The following GLT1D1 variants were observed in gnomAD, a reference collection of about 807,000 sequenced individuals.
The protein encoded by GLT1D1 is glycosyltransferase 1 domain containing 1, also known as glycosyltransferase 1 domain-containing protein 1.
A neutral mutation model predicts 28.7 loss-of-function variants in GLT1D1; 21 were observed. The observed-to-expected ratio is 0.73, with a 90% CI of 0.52 to 1.05. GLT1D1 has a LOEUF of 1.05. Ranked by LOEUF, GLT1D1 falls within the 50% of genes least tolerant of loss-of-function variation. The probability of loss-of-function intolerance (pLI) is 0.00; values close to 1 mark genes in which losing one functional copy is unlikely to be tolerated. For synonymous variants in GLT1D1, 147 were observed against 124.8 expected, an observed-to-expected ratio of 1.18 and a Z score of -1.19; for missense variants, 343 against 330.6, an observed-to-expected ratio of 1.04 and a Z score of -0.29.
chr12:128,874,763 C>T (rs943442196), intron 1 of GLT1D1, among the ~76,000 whole-genome samples: 5 of 152,202 alleles, frequency 3.3e-5, no homozygotes, highest in Admixed American at 6.5e-5. Flanking sequence ...GGATTACAGG[C>T]GTGAGCCACC....
chr12:128,970,478 C>G (rs1476961564), intron 7 of GLT1D1, among the ~76,000 whole-genome samples: 1 of 152,228 alleles, frequency 6.6e-6, no homozygotes, highest in East Asian at 1.9e-4. Context: ...CACTCCCTCC[C>G]CGCAGCCACA....
chr12:128,901,582 G>A (rs1190507), intron 4 of GLT1D1, among the ~76,000 whole-genome samples: 59,979 of 151,330 alleles, frequency 0.4, 12,159 homozygotes, highest in East Asian at 0.52. Flanking sequence ...GACTACAGGC[G>A]CCCACCACAA....
chr12:128,883,652 C>T (rs1384491446), intron 2 of GLT1D1, among the ~76,000 whole-genome samples: 2 of 150,390 alleles, frequency 1.3e-5, no homozygotes, highest in African/African-American at 4.9e-5. Flanking sequence ...TTCTGTTTTT[C>T]TCAGCCGATT....
intron 2 of GLT1D1, among the ~76,000 whole-genome samples, chr12:128,879,462 T>TTTCTTTC (rs1555262493): frequency 3.1e-4 from 27 of 85,938 alleles, no homozygotes; most frequent in Middle Eastern, 5.1e-3. Context: ...TTCTTTCTTT[T>TTTCTTTC]TTTTGGGGGG....
rs940586835 is a variant in GLT1D1, at chr12:128,944,584, T to C, written c.376-742T>C. The C allele has an allele frequency of 5.9e-5, 44 of 747,526 alleles. 1 individual carries two copies. The highest frequency in any genetic ancestry group is 3.8e-4 in the Middle Eastern group (1 of 2,616). 46.3% of individuals were successfully genotyped at this position (747,526 alleles called of 1,614,324 possible). ...ATGAATCCAGTGAGCAGTAAGGCGT[T>C]GTTTAATGACCTCAAAGGACATATT... is the stretch of plus-strand genomic sequence containing the variant. On this transcript the variant is annotated intron_variant, in intron 4 of 7. Coordinates refer to ENST00000281703, the MANE Select transcript of GLT1D1 (RefSeq NM_144669.3).
intron 4 of GLT1D1, among the ~76,000 whole-genome samples, chr12:128,936,617 T>C (rs561836968): frequency 6.6e-6 from 1 of 152,324 alleles, no homozygotes; most frequent in African/African-American, 2.4e-5. Context: ...TTGCAGGCGA[T>C]CATATGTGGG....
rs578215552 is a variant in GLT1D1, at chr12:128,947,074, C to G, written c.420-264C>G. Among the ~76,000 whole-genome samples the G allele has an allele frequency of 1.6e-4, 25 of 152,318 alleles. 1 individual carries two copies. In the East Asian group the frequency reaches 4.8e-3, roughly 29 times the overall value. The stretch of plus-strand genomic sequence containing the variant: ...AAAATGGCATGAACCTTGTCTCTGA[C>G]TCTTCTAGTCCTTGAGAGCAGGTGT... On this transcript the variant is annotated intron_variant, in intron 5 of 7. Transcript: ENST00000281703.
chr12:128,863,690 T>C (rs111843783), intron 1 of GLT1D1, among the ~76,000 whole-genome samples: 5 of 152,054 alleles, frequency 3.3e-5, no homozygotes, highest in Non-Finnish European at 2.9e-5. Context: ...GGATAATTTC[T>C]TTATGGTCAG....
At position 128,984,679 on chromosome 12, in the gene GLT1D1, CG is replaced by C. The variant is rs1880625519; in HGVS notation, c.*1592del. The C allele has an allele frequency of 6.6e-6, 1 of 152,288 alleles. No individual in the cohort carries two copies. Among genetic ancestry groups the C allele is most frequent in the South Asian group, 2.1e-4 (1 of 4,816 alleles). 9.4% of individuals were successfully genotyped at this position (152,288 alleles called of 1,614,324 possible). A position where few individuals can be genotyped will look rare whatever the true frequency, so the allele number is the denominator to read the frequency against. On this transcript the variant is annotated 3_prime_UTR_variant, in exon 8 of 8. Transcript: ENST00000281703. The stretch of plus-strand genomic sequence containing the variant: ...GAGGAGGGAGAGGCAGATCCTGGGC[CG>C]GGAGAGGATGGCCTGGTCTGAATCT...
intron 4 of GLT1D1, among the ~76,000 whole-genome samples, chr12:128,939,487 C>T (rs550957579): frequency 6.6e-6 from 1 of 151,802 alleles, no homozygotes; most frequent in South Asian, 2.1e-4. Flanking sequence ...TTTGGGAGGC[C>T]GAGGCAGGAG....
At chr12:128,930,923 T>A (rs968091241) in intron 4 of GLT1D1, among the ~76,000 whole-genome samples, 3 of 152,172 alleles carry the variant, frequency 2.0e-5, no homozygotes, top group Non-Finnish European at 4.4e-5. Context: ...CGACCGTTGT[T>A]GCTGCTGTTG....
At chr12:128,872,804 C>T (rs1290858992) in intron 1 of GLT1D1, among the ~76,000 whole-genome samples, 4 of 152,160 alleles carry the variant, frequency 2.6e-5, no homozygotes, top group African/African-American at 4.8e-5. Flanking sequence ...ATAATATATG[C>T]ATGTGGTAAA....
chr12:128,944,489 C>T (rs1875758079), intron 4 of GLT1D1: 1 of 1,172,330 alleles, frequency 8.5e-7, no homozygotes, highest in Admixed American at 1.7e-5. Context: ...AGCGGCTCCC[C>T]TGTCAGAGCA....
intron 4 of GLT1D1, among the ~76,000 whole-genome samples, chr12:128,924,202 G>A (rs1042370647): frequency 5.9e-5 from 9 of 151,866 alleles, no homozygotes; most frequent in East Asian, 2.0e-4. Context: ...CAAGGTGGGC[G>A]GATCACTTGA....
chr12:128,940,609 A>G (rs1337210225), intron 4 of GLT1D1, among the ~76,000 whole-genome samples: 1 of 152,178 alleles, frequency 6.6e-6, no homozygotes, highest in Non-Finnish European at 1.5e-5. Flanking sequence ...GATAAGTTTG[A>G]ACATGTTGCT....
At chr12:128,950,852 G>A (rs1290561601) in intron 6 of GLT1D1, among the ~76,000 whole-genome samples, 5 of 152,204 alleles carry the variant, frequency 3.3e-5, no homozygotes, top group Non-Finnish European at 7.4e-5. Context: ...CATAGGAGCA[G>A]AGAGTAGAAT....
chr12:128,940,292 A>G (rs1011857277), intron 4 of GLT1D1, among the ~76,000 whole-genome samples: 1 of 152,198 alleles, frequency 6.6e-6, no homozygotes, highest in African/African-American at 2.4e-5. Flanking sequence ...CCAGAGAGGC[A>G]GCAGAGCATA....
At chr12:128,876,559 A>C (rs911829752) in intron 2 of GLT1D1, among the ~76,000 whole-genome samples, 1 of 151,906 alleles carries the variant, frequency 6.6e-6, no homozygotes, top group Non-Finnish European at 1.5e-5. Flanking sequence ...CAAGCAATCC[A>C]TCCTCCTCAG....
At chr12:128,929,535 C>CT (rs949019264) in intron 4 of GLT1D1, among the ~76,000 whole-genome samples, 3 of 152,094 alleles carry the variant, frequency 2.0e-5, no homozygotes, top group African/African-American at 7.2e-5. Flanking sequence ...TTTTGTGGTT[C>CT]TTTCTTATAT....
Sources: allele counts gnomAD v4.1 joint callset (sites outside exome capture counted in the v4.1 genomes callset), GRCh38; gene constraint gnomAD v4.1.1; transcripts MANE v1.5; gene names NCBI Gene and HGNC (gene_info 2026-07-23, HGNC 2026-07-21).